DRP2: variants seen among roughly 807,000 people sequenced by gnomAD.
DRP2 encodes dystrophin related protein 2, also known as dystrophin-related protein 2.
In DRP2, 29 loss-of-function variants were observed where a neutral mutation model predicts 78.2. That is an observed-to-expected ratio of 0.37 (90% confidence interval 0.28 to 0.51). DRP2 has a LOEUF of 0.51. Among genes scored for constraint, DRP2 ranks in the 20% least tolerant of loss-of-function variants. The pLI, the probability that DRP2 is intolerant of heterozygous loss-of-function variation, is 0.94. For synonymous variants in DRP2, 290 were observed against 281.9 expected (o/e 1.03, Z -0.29); for missense variants, 686 against 770.6 (o/e 0.89, Z 1.30).
intron 17 of DRP2, 29 bp downstream of exon 17, chrX:101,252,745 G>A: frequency 8.8e-7 from 1 of 1,130,679 alleles, no homozygotes; most frequent in Non-Finnish European, 1.2e-6. Context: ...GGGTGGGAGG[G>A]TTAGGCAGCT....
rs2147337573 is a variant in DRP2, at chrX:101,237,676, G to C, written c.339G>C (p.Glu113Asp). 5.1e-6 allele frequency: 6 copies of C among 1,177,936 alleles called. No homozygotes were observed. The East Asian group carries it at 1.8e-4, about 36-fold the overall frequency. Residue 113 changes from glutamate (E) to aspartate (D), a missense_variant, in exon 5 of 24, where the codon GAG becomes GAC. Transcript: ENST00000395209. ...GAAAGCTTCAGCTCCCTCTTCAAGA[G>C]ATTATTGACTGGCTCAGCCAAAAGG... ...HSGKLQLPLQEIIDWLSQKDE... is the reference protein window; with the variant it reads ...HSGKLQLPLQDIIDWLSQKDE...
intron 6 of DRP2, among the ~76,000 whole-genome samples, chrX:101,239,478 C>T (rs142543915): frequency 0.012 from 1,388 of 112,316 alleles, 13 homozygotes; most frequent in Middle Eastern, 0.092. Flanking sequence ...CACAGTGGCT[C>T]ATGTCTGTAA....
intron 23 of DRP2, 76 bp downstream of exon 23, chrX:101,260,245 C>G: frequency 8.6e-7 from 1 of 1,161,533 alleles, no homozygotes; most frequent in East Asian, 3.0e-5. Context: ...CAAGGCTTTG[C>G]GGGGCTGGGA....
chrX:101,225,451 A>G (rs1377231005), intron 2 of DRP2, among the ~76,000 whole-genome samples: 1 of 111,820 alleles, frequency 8.9e-6, no homozygotes, highest in Non-Finnish European at 1.9e-5. Context: ...TGTATTCACA[A>G]TATGACTCTG....
intron 15 of DRP2, 64 bp downstream of exon 15, chrX:101,250,644 A>G (rs1408889922): frequency 8.8e-7 from 1 of 1,136,995 alleles, no homozygotes; most frequent in African/African-American, 1.8e-5. Flanking sequence ...GAAGAAGGGA[A>G]GGAGGACTAC....
rs754033940 is a variant in DRP2, at chrX:101,231,624, TC to T, written c.-17del. 4.1e-5 allele frequency: 47 copies of T among 1,155,214 alleles called. No individual in the cohort carries two copies. The African/African-American group carries it at 6.6e-4, about 16-fold the overall frequency. On this transcript the variant is annotated 5_prime_UTR_variant, in exon 3 of 24. Transcript: ENST00000395209. ...ATAGTTGGTGCACTGCCTATCCTCA[TC>T]CCCCCCATGAGCCTTGGTTTTTATG...
intron 4 of DRP2, 121 bp from the exon 5 acceptor site, chrX:101,237,498 G>A: frequency 2.4e-6 from 2 of 819,128 alleles, no homozygotes; most frequent in South Asian, 5.4e-5. Flanking sequence ...ACTTGAACCA[G>A]AAAAGCTCCT....
intron 1 of DRP2, among the ~76,000 whole-genome samples, chrX:101,221,988 A>C (rs1195845376): frequency 8.9e-6 from 1 of 112,383 alleles, no homozygotes; most frequent in Non-Finnish European, 1.9e-5. Context: ...AGCATTTACC[A>C]AACCAATGTT....
intron 15 of DRP2, 127 bp downstream of exon 15, chrX:101,250,707 G>T: frequency 1.0e-6 from 1 of 981,302 alleles, no homozygotes; most frequent in East Asian, 3.2e-5. Context: ...TATTGGGATG[G>T]AACAACAGGG....
At chrX:101,224,184 TTTTTTTG>T (rs1484013109) in intron 1 of DRP2, among the ~76,000 whole-genome samples, 5 of 65,812 alleles carry the variant, frequency 7.6e-5, no homozygotes, top group African/African-American at 2.9e-4. Context: ...TTTGCTGGGT[TTTTTTTG>T]TTTTTTTTTT....
rs745686379 is a variant in DRP2 at position 101,245,055 on chromosome X, A to G, written c.1093A>G (p.Asn365Asp). 1.7e-6 allele frequency: 2 copies of G among 1,210,188 alleles called. No individual in the cohort carries two copies. Among genetic ancestry groups the G allele is most frequent in the Non-Finnish European group, 2.2e-6 (2 of 894,675 alleles). Residue 365 changes from asparagine to aspartate, a missense_variant, in exon 10 of 24, where the codon AAT becomes GAT. This residue lies in a region of DRP2 where 423 missense variants were observed against 531.5 expected (regional missense o/e 0.80). Coordinates refer to ENST00000395209, the MANE Select transcript of DRP2 (RefSeq NM_001939.3). ...QVPWERAISP[N>D]KVPYYINHQA... is the part of the protein sequence containing the mutation. ...TCCCTGGGAAAGAGCAATTTCACCCAATAAAGTTCCCTACTACATCAAGTG... is the reference window on the plus strand; with the variant it reads ...TCCCTGGGAAAGAGCAATTTCACCCGATAAAGTTCCCTACTACATCAAGTG...
At chrX:101,247,396 T>A (rs1922969813) in intron 12 of DRP2, among the ~76,000 whole-genome samples, 1 of 111,901 alleles carries the variant, frequency 8.9e-6, no homozygotes, top group Admixed American at 9.5e-5. Context: ...TGCTCCTCCT[T>A]GACCCTTTTC....
chrX:101,224,407 A>C (rs201101120), intron 1 of DRP2, among the ~76,000 whole-genome samples, 197 bp from the exon 2 acceptor site: 2 of 72 alleles, frequency 0.028, no homozygotes, highest in African/African-American at 0.087. Context: ...AAAAAAAAAC[A>C]AAAAAAAGCC....
chrX:101,237,562 A>G, intron 4 of DRP2, 57 bp from the exon 5 acceptor site: 1 of 1,006,531 alleles, frequency 9.9e-7, no homozygotes, highest in Non-Finnish European at 1.3e-6. Flanking sequence ...GGAAAAAAAA[A>G]TGTTTTGCCA....
Position 101,235,870 on chromosome X carries a change from C to T in DRP2, c.128C>T (p.Ala43Val), listed in dbSNP as rs1922480887. 5 of 1,207,347 alleles carry T rather than the reference C, an allele frequency of 4.1e-6. No homozygotes were observed. Among genetic ancestry groups the T allele is most frequent in the Non-Finnish European group, 5.6e-6 (5 of 893,149 alleles). ...TGTGTTTCTGTCCAGGTTAGAGCTG[C>T]TGTCACCAGCCCTGCACCTCCTCAA... ...STCPHPQVRA[A>V]VTSPAPPQDG... is the part of the protein sequence containing the mutation. Residue 43 changes from alanine to valine, a missense_variant, in exon 4 of 24, where the codon GCT (alanine) becomes GTT (valine). Coordinates refer to ENST00000395209, the MANE Select transcript of DRP2 (RefSeq NM_001939.3).
chrX:101,250,625 G>T lies in DRP2; in HGVS notation c.1698+45G>T, dbSNP rs200143544. 3 of 1,151,875 alleles carry T rather than the reference G, an allele frequency of 2.6e-6. No individual in the cohort carries two copies. In the African/African-American group the frequency reaches 5.4e-5, roughly 21 times the overall value. The allele number at this position is 1,151,875 out of a possible 1,213,427, so 94.9% of individuals were successfully genotyped here. On this transcript the variant is annotated intron_variant, in intron 15 of 23. Coordinates refer to ENST00000395209, the MANE Select transcript of DRP2 (RefSeq NM_001939.3). ...GTGGGGGAGGGAAGGGAGGTTGCAG[G>T]AAGGGTGGGAAGAAGGGAAGGAGGA... is the stretch of plus-strand genomic sequence containing the variant.
At chrX:101,255,027 G>A in intron 19 of DRP2, 103 bp downstream of exon 19, 1 of 1,091,546 alleles carries the variant, frequency 9.2e-7, no homozygotes, top group Non-Finnish European at 1.3e-6. Flanking sequence ...GCCAGGGGAT[G>A]TGCACAGTGG....
chrX:101,235,839 G>A lies in DRP2; in HGVS notation c.118-21G>A, dbSNP rs1286479115. ...GTGTGGCACAATCCAAGGATCACAGGATGTTTGTGTTTCTGTCCAGGTTAG... is the reference window on the plus strand; with the variant it reads ...GTGTGGCACAATCCAAGGATCACAGAATGTTTGTGTTTCTGTCCAGGTTAG... On this transcript the variant is annotated intron_variant, in intron 3 of 23. Transcript: ENST00000395209. 7.5e-6 allele frequency: 9 copies of A among 1,192,590 alleles called. No homozygotes were observed. The African/African-American group carries it at 1.6e-4, about 21-fold the overall frequency.
chrX:101,240,279 A>T (rs895197864), intron 6 of DRP2, among the ~76,000 whole-genome samples: 6 of 111,486 alleles, frequency 5.4e-5, no homozygotes, highest in African/African-American at 2.0e-4. Context: ...GCTGGAGTGC[A>T]GTGGTGTGAT....
Sources: allele counts gnomAD v4.1 joint callset (sites outside exome capture counted in the v4.1 genomes callset), GRCh38; gene constraint gnomAD v4.1.1; regional missense constraint gnomAD v4.1.1; transcripts MANE v1.5; gene names NCBI Gene and HGNC (gene_info 2026-07-23, HGNC 2026-07-21).